PPP1R13L: variants seen among roughly 807,000 people sequenced by gnomAD.
The protein encoded by PPP1R13L is protein phosphatase 1 regulatory subunit 13 like.
A neutral mutation model predicts 80.9 loss-of-function variants in PPP1R13L; 50 were observed. That is an observed-to-expected ratio of 0.62 (90% CI 0.49 to 0.78). The LOEUF (loss-of-function observed/expected upper bound fraction) is 0.78, where lower values mean the gene tolerates loss of function less well. Ranked by LOEUF, PPP1R13L falls within the 30% of genes least tolerant of loss-of-function variation. PPP1R13L has a pLI of 0.00. For synonymous variants in PPP1R13L, 602 were observed against 534.3 expected, an observed-to-expected ratio of 1.13 and a Z score of -1.75; for missense variants, 1,200 against 1,205.9, an observed-to-expected ratio of 1.00 and a Z score of 0.07.
Position 45,386,091 on chromosome 19 carries a change from C to A in PPP1R13L, c.1905G>T (p.Ala635=). 1 of 1,578,726 alleles carries A rather than the reference C, an allele frequency of 6.3e-7. No homozygotes were observed. Among genetic ancestry groups the A allele is most frequent in the African/African-American group, 1.3e-5 (1 of 74,344 alleles). Reference sequence around the variant, plus strand: ...GCACCACCTCCAGCTCCCCGGTCAGCGCCGCGTCCAGGAGGAGCACCAGAG... The same window carrying A: ...GCACCACCTCCAGCTCCCCGGTCAGAGCCGCGTCCAGGAGGAGCACCAGAG... The part of the protein sequence containing the change: ...LNPLVLLLDA[A]LTGELEVVQQ... The change falls in exon 9 of 13, where the codon GCG becomes GCT. Residue 635 remains alanine, a synonymous_variant. Transcript: ENST00000360957.
chr19:45,384,295 C>G (rs1345660972), intron 11 of PPP1R13L, among the ~76,000 whole-genome samples: 1 of 147,826 alleles, frequency 6.8e-6, no homozygotes, highest in Non-Finnish European at 1.5e-5. Context: ...CCAAGGCAGG[C>G]GGATCCTCTG....
chr19:45,392,312 C>T lies in PPP1R13L; in HGVS notation c.1383G>A (p.Glu461=), dbSNP rs1332218468. 6.2e-7 allele frequency: 1 copy of T among 1,613,588 alleles called. No individual in the cohort carries two copies. Among genetic ancestry groups the T allele is most frequent in the Non-Finnish European group, 8.5e-7 (1 of 1,180,030 alleles). ...EGPPKPPTEL[E]PEPEIEGLLT... is the part of the protein sequence containing the mutation. ...GCAGCCCCTCTATCTCCGGCTCAGG[C>T]TCCAGCTCGGTGGGGGGTTTGGGGG... is the stretch of plus-strand genomic sequence containing the variant. The change falls in exon 8 of 13, where the codon GAG becomes GAA. Residue 461 remains glutamate, a synonymous_variant. Coordinates refer to ENST00000360957, the MANE Select transcript of PPP1R13L (RefSeq NM_006663.4).
intron 1 of PPP1R13L, among the ~76,000 whole-genome samples, chr19:45,398,794 C>T (rs1973170178): frequency 6.6e-6 from 1 of 151,798 alleles, no homozygotes; most frequent in South Asian, 2.1e-4. Context: ...CCGCGCCCGG[C>T]CGTGTCCATC....
intron 12 of PPP1R13L, 40 bp from the exon 13 acceptor site, chr19:45,380,268 C>T (rs746248732): frequency 2.5e-6 from 4 of 1,610,510 alleles, no homozygotes; most frequent in Non-Finnish European, 3.4e-6. Context: ...GGAGCTCCCA[C>T]CTCCTCATCC....
Position 45,392,128 on chromosome 19 carries a change from G to A in PPP1R13L, c.1567C>T (p.Arg523Cys), listed in dbSNP as rs1461119562. Residue 523 changes from arginine to cysteine, a missense_variant, in exon 8 of 13, where the codon CGC (arginine) becomes TGC (cysteine). Physicochemically the swap from Arg to Cys is radical, Grantham distance 180. Around this residue, in one of 5 missense-constraint regions of PPP1R13L, gnomAD observed 53 missense variants for 96.5 expected, o/e 0.55. Transcript: ENST00000360957. The part of the protein sequence containing the change: ...VLAEIPRPLK[R>C]RGSMEQAPAV... ...GGGGCCTGCTCCATGGAGCCCCTGC[G>A]TTTGAGGGGCCGGGGAATTTCCGCC... 6 of 1,570,650 alleles carry A rather than the reference G, an allele frequency of 3.8e-6. No homozygotes were observed. Among genetic ancestry groups the A allele is most frequent in the African/African-American group, 1.4e-5 (1 of 73,974 alleles).
chr19:45,395,996 G>T, intron 6 of PPP1R13L, 110 bp from the exon 7 acceptor site: 1 of 1,282,430 alleles, frequency 7.8e-7, no homozygotes. Context: ...TGGGAGTGAG[G>T]GAGAAGAAAG....
upstream of PPP1R13L, chr19:45,406,338 A>G: frequency 8.5e-7 from 1 of 1,178,456 alleles, no homozygotes; most frequent in Non-Finnish European, 1.1e-6. The surrounding 1 kb of genome is among the most constrained non-coding windows in gnomAD (Gnocchi z 4.2). Flanking sequence ...TGTCTCTTTA[A>G]GGCTTAGGAA....
chr19:45,403,174 G>T (rs1247847262), intron 1 of PPP1R13L, among the ~76,000 whole-genome samples: 1 of 152,166 alleles, frequency 6.6e-6, no homozygotes, highest in African/African-American at 2.4e-5. Flanking sequence ...TATAAGCCGT[G>T]ATTAGAACAA....
intron 8 of PPP1R13L, among the ~76,000 whole-genome samples, chr19:45,389,838 C>T (rs989950356): frequency 3.9e-5 from 6 of 151,952 alleles, no homozygotes; most frequent in Non-Finnish European, 8.8e-5. Flanking sequence ...CTCTGTCACC[C>T]AGGCTGGAGT....
In PPP1R13L at chr19:45,386,105, G is replaced by A. The variant is rs900797591; in HGVS notation, c.1891C>T (p.Leu631Phe). Residue 631 changes from leucine to phenylalanine, a missense_variant, in exon 9 of 13, where the codon CTC becomes TTC. Leu to Phe is a conservative substitution (Grantham distance 22). Around this residue, in one of 5 missense-constraint regions of PPP1R13L, gnomAD observed 214 missense variants for 199.6 expected, o/e 1.07. Transcript: ENST00000360957. ...RRARLNPLVL[L>F]LDAALTGELE... ...TCCCCGGTCAGCGCCGCGTCCAGGA[G>A]GAGCACCAGAGGGTTGAGGCGCGCG... is the stretch of plus-strand genomic sequence containing the variant. 1 of 1,577,406 alleles carries A rather than the reference G, an allele frequency of 6.3e-7. No individual in the cohort carries two copies. Among genetic ancestry groups the A allele is most frequent in the Non-Finnish European group, 8.6e-7 (1 of 1,167,566 alleles).
intron 3 of PPP1R13L, among the ~76,000 whole-genome samples, chr19:45,397,468 CTCTCTCTT>C (rs1332823202): frequency 1.3e-4 from 11 of 86,720 alleles, no homozygotes; most frequent in South Asian, 1.0e-3. Context: ...TGCTTTCTCT[CTCTCTCTT>C]TCTTTCTTTC....
At chr19:45,385,520 G>C (rs1332566514) in intron 11 of PPP1R13L, 42 bp downstream of exon 11, 1 of 1,566,220 alleles carries the variant, frequency 6.4e-7, no homozygotes, top group Admixed American at 1.8e-5. Flanking sequence ...CCGCTCCTGC[G>C]CACCCGCCAG....
chr19:45,387,100 C>G (rs1293646601), intron 8 of PPP1R13L, among the ~76,000 whole-genome samples: 3 of 151,804 alleles, frequency 2.0e-5, no homozygotes, highest in Non-Finnish European at 2.9e-5. Context: ...GAGACCCAGT[C>G]TCTACAAAAA....
At position 45,385,897 on chromosome 19, in the gene PPP1R13L, C is replaced by A; in HGVS notation, c.2008G>T (p.Gly670Cys). ...GITALHNAICGANYSIVDFLI... is the reference protein window; with the variant it reads ...GITALHNAICCANYSIVDFLI... ...AAATCCACGATAGAGTAGTTGGCGC[C>A]GCAGATGGCGTTGTGCAAGGCAGTG... Residue 670 changes from glycine (G) to cysteine (C), a missense_variant, in exon 10 of 13, where the codon GGC (glycine) becomes TGC (cysteine). Gly to Cys is a radical substitution (Grantham distance 159). Coordinates refer to ENST00000360957, the MANE Select transcript of PPP1R13L (RefSeq NM_006663.4). The A allele has an allele frequency of 6.2e-7, 1 of 1,611,428 alleles. No homozygotes were observed. The highest frequency in any genetic ancestry group is 2.2e-5 in the East Asian group (1 of 44,756).
In PPP1R13L at chr19:45,382,674, C is replaced by T; in HGVS notation, c.2301G>A (p.Trp767Ter). 1.9e-6 allele frequency: 3 copies of T among 1,614,034 alleles called. No homozygotes were observed. Among genetic ancestry groups the T allele is most frequent in the Non-Finnish European group, 8.5e-7 (1 of 1,180,042 alleles). The change falls in exon 12 of 13, where the codon TGG becomes TGA. Residue 767 changes from tryptophan to a stop codon, truncating the protein, a stop_gained. Transcript: ENST00000360957. LOFTEE classifies it high-confidence loss of function. ...LMNSGAVYALWDYSAEFGDEL... is the reference protein window; with the variant it reads ...LMNSGAVYAL ...CGTCCCCGAACTCGGCGCTGTAGTC[C>T]CAGAGAGCGTACACTGCCCCGCTGT...
chr19:45,402,203 T>C (rs1006885589), intron 1 of PPP1R13L: 1 of 152,238 alleles, frequency 6.6e-6, no homozygotes, highest in African/African-American at 2.4e-5. Flanking sequence ...AATAGATAAA[T>C]GAGCAAGTCT....
chr19:45,393,383 G>A (rs1371187960), intron 7 of PPP1R13L, among the ~76,000 whole-genome samples: 1 of 151,426 alleles, frequency 6.6e-6, no homozygotes, highest in African/African-American at 2.4e-5. Flanking sequence ...CTGAGGTCAG[G>A]GGTTCGAGAC....
At position 45,396,524 on chromosome 19, in the gene PPP1R13L, G is replaced by C. The variant is rs777895334; in HGVS notation, c.712+21C>G. 3 of 1,591,024 alleles carry C rather than the reference G, an allele frequency of 1.9e-6. No individual in the cohort carries two copies. Among genetic ancestry groups the C allele is most frequent in the Non-Finnish European group, 2.6e-6 (3 of 1,171,478 alleles). On this transcript the variant is annotated intron_variant, in intron 4 of 12. Transcript: ENST00000360957. The surrounding 1 kb of genome is among the most constrained non-coding windows in gnomAD (Gnocchi z 5.3). ...TTTGACCCCGCGAGTCAAAGGCCCCGCGAGGGGCCCCTGGGTTCACCTTGC... is the reference window on the plus strand; with the variant it reads ...TTTGACCCCGCGAGTCAAAGGCCCCCCGAGGGGCCCCTGGGTTCACCTTGC...
chr19:45,402,668 C>T (rs1299430532), intron 1 of PPP1R13L, among the ~76,000 whole-genome samples: 2 of 152,198 alleles, frequency 1.3e-5, no homozygotes, highest in Non-Finnish European at 2.9e-5. Context: ...GTGTCTGTTC[C>T]CAGGCCTCTG....
Sources: gnomAD v4.1 joint callset for allele counts (sites outside exome capture counted in the v4.1 genomes callset) on GRCh38, gnomAD v4.1.1 for gene constraint, gnomAD v4.1.1 regional missense constraint, Gnocchi (gnomAD v3.1) non-coding constraint, MANE v1.5 for transcripts, NCBI Gene and HGNC (gene_info 2026-07-23, HGNC 2026-07-21) for gene names.